The following ESRRG variants were observed in gnomAD, a reference collection of about 807,000 sequenced individuals.
The protein encoded by ESRRG is estrogen-related receptor gamma.
A neutral mutation model predicts 44.0 loss-of-function variants in ESRRG; 13 were observed. The observed-to-expected ratio is 0.30, with a 90% CI of 0.19 to 0.47. ESRRG has a LOEUF of 0.47. Ranked by LOEUF, ESRRG falls within the 20% of genes least tolerant of loss-of-function variation. ESRRG has a pLI of 1.00. For synonymous variants in ESRRG, 215 were observed against 214.6 expected, an observed-to-expected ratio of 1.00 and a Z score of -0.02; for missense variants, 395 against 580.6, an observed-to-expected ratio of 0.68 and a Z score of 3.29.
At chr1:217,071,363 G>C (rs2090538647) in intron 1 of ESRRG, among the ~76,000 whole-genome samples, 1 of 152,110 alleles carries the variant, frequency 6.6e-6, no homozygotes, top group Non-Finnish European at 1.5e-5. Context: ...TGAATTTGAG[G>C]CTTGGCTCTG....
intron 6 of ESRRG, among the ~76,000 whole-genome samples, chr1:216,509,546 T>G (rs2042129858): frequency 2.0e-5 from 3 of 152,122 alleles, no homozygotes; most frequent in South Asian, 4.1e-4. Context: ...TTCCCACTAC[T>G]CTTGCCCAGC....
chr1:216,515,422 C>T (rs1423616204), intron 6 of ESRRG, among the ~76,000 whole-genome samples: 2 of 151,942 alleles, frequency 1.3e-5, no homozygotes, highest in African/African-American at 4.8e-5. Flanking sequence ...TATGAGAGTC[C>T]AAATATCCTA....
chr1:217,109,134 G>A (rs1056718734), intron 1 of ESRRG, among the ~76,000 whole-genome samples: 27 of 152,254 alleles, frequency 1.8e-4, no homozygotes, highest in African/African-American at 5.5e-4. Context: ...AACACCAAAT[G>A]TATGAGAGCA....
At chr1:216,528,090 G>C (rs11117609) in intron 5 of ESRRG, among the ~76,000 whole-genome samples, 52,517 of 151,940 alleles carry the variant, frequency 0.35, 9,227 homozygotes, top group Non-Finnish European at 0.36. Context: ...CTTTCAAAAA[G>C]ATGCGACGTT....
At chr1:217,046,935 C>T (rs1304860652) in intron 1 of ESRRG, among the ~76,000 whole-genome samples, 1 of 151,862 alleles carries the variant, frequency 6.6e-6, no homozygotes, top group African/African-American at 2.4e-5. Flanking sequence ...TGGAAAGAGA[C>T]AAAATTATTC....
At chr1:217,026,964 G>C (rs960894826) in intron 1 of ESRRG, among the ~76,000 whole-genome samples, 1 of 147,340 alleles carries the variant, frequency 6.8e-6, no homozygotes, top group African/African-American at 2.5e-5. Context: ...CCAGTCTAGG[G>C]TATCATGGTT....
chr1:217,114,023 G>C (rs919920880), intron 1 of ESRRG, among the ~76,000 whole-genome samples: 1 of 151,938 alleles, frequency 6.6e-6, no homozygotes, highest in Non-Finnish European at 1.5e-5. Flanking sequence ...AAGGAAATTG[G>C]ACTGGGAGAG....
At chr1:216,536,586 C>G (rs1250691986) in intron 5 of ESRRG, among the ~76,000 whole-genome samples, 1 of 152,080 alleles carries the variant, frequency 6.6e-6, no homozygotes. Context: ...CAGGGGTCAC[C>G]TCTTCCTTGT....
At chr1:216,810,174 C>G (rs181966368) in intron 2 of ESRRG, among the ~76,000 whole-genome samples, 122 of 152,206 alleles carry the variant, frequency 8.0e-4, no homozygotes, top group African/African-American at 2.8e-3. Flanking sequence ...CTCAGATCAC[C>G]AGGACTCAAG....
chr1:216,790,935 A>T (rs1243861202), intron 2 of ESRRG, among the ~76,000 whole-genome samples: 1 of 152,168 alleles, frequency 6.6e-6, no homozygotes, highest in Non-Finnish European at 1.5e-5. Context: ...ATTGTGAAAC[A>T]GTTGAACAAA....
At chr1:216,571,156 A>T (rs919829154) in intron 3 of ESRRG, among the ~76,000 whole-genome samples, 1 of 152,220 alleles carries the variant, frequency 6.6e-6, no homozygotes, top group Non-Finnish European at 1.5e-5. Flanking sequence ...TGAAGAAAAA[A>T]TATGCATGAT....
At chr1:216,779,510 ATT>A (rs1399532182) in intron 2 of ESRRG, among the ~76,000 whole-genome samples, 1 of 92,072 alleles carries the variant, frequency 1.1e-5, no homozygotes, top group East Asian at 3.0e-4. Context: ...ATAAATATAT[ATT>A]TATAAATATA....
upstream of ESRRG, chr1:216,723,523 C>T (rs1307105462): frequency 3.8e-6 from 2 of 527,092 alleles, no homozygotes; most frequent in Non-Finnish European, 6.7e-6. Flanking sequence ...CCCAGCCGCG[C>T]AGCCGATTGG....
chr1:216,529,746 T>C (rs115563340), intron 5 of ESRRG, among the ~76,000 whole-genome samples: 2,329 of 152,260 alleles, frequency 0.015, 72 homozygotes, highest in African/African-American at 0.052. Flanking sequence ...TGAAGTTTAA[T>C]AATAATATTT....
At chr1:216,971,899 T>C (rs559045061) in intron 1 of ESRRG, among the ~76,000 whole-genome samples, 1 of 152,320 alleles carries the variant, frequency 6.6e-6, no homozygotes, top group East Asian at 1.9e-4. Context: ...TAATCTCTTC[T>C]AGCCTGAAGG....
At chr1:216,616,684 T>A (rs7530898) in intron 3 of ESRRG, among the ~76,000 whole-genome samples, 1 of 146,032 alleles carries the variant, frequency 6.8e-6, no homozygotes, top group East Asian at 2.1e-4. Flanking sequence ...CACAAACCAC[T>A]GAGCTGATCT....
intron 2 of ESRRG, among the ~76,000 whole-genome samples, chr1:216,789,022 G>T (rs1463509228): frequency 6.6e-6 from 1 of 152,154 alleles, no homozygotes; most frequent in Admixed American, 6.6e-5. Context: ...GGTTTCTTGA[G>T]ATGGAATCTA....
intron 1 of ESRRG, among the ~76,000 whole-genome samples, chr1:217,038,279 C>A (rs2083268026): frequency 6.6e-6 from 1 of 152,242 alleles, no homozygotes; most frequent in Non-Finnish European, 1.5e-5. Flanking sequence ...GCCTGGGCAT[C>A]CAGGTGTTTC....
At position 216,756,686 on chromosome 1, in the gene ESRRG, C is replaced by T. The variant is rs79503993; in HGVS notation, c.-13-79195G>A. On this transcript the variant is annotated intron_variant, in intron 2 of 7. Transcript: ENST00000359162. ...CAGAACTTGCAAATATCTAAAGAGGCCAGTATTTACTTCAAGAAATTAAAG... is the reference window on the plus strand; with the variant it reads ...CAGAACTTGCAAATATCTAAAGAGGTCAGTATTTACTTCAAGAAATTAAAG... 2.0e-5 allele frequency among the ~76,000 whole-genome samples: 3 copies of T among 152,020 alleles called. No individual in the cohort carries two copies. In the East Asian group the frequency reaches 5.8e-4, roughly 29 times the overall value.
Sources: allele counts gnomAD v4.1 joint callset (sites outside exome capture counted in the v4.1 genomes callset), GRCh38; gene constraint gnomAD v4.1.1; transcripts MANE v1.5; gene names NCBI Gene and HGNC (gene_info 2026-07-23, HGNC 2026-07-21).